Variants in DCAF15 observed in about 807,000 individuals in gnomAD.
DCAF15 encodes the protein DDB1 and CUL4 associated factor 15.
DCAF15 carries 24 observed loss-of-function variants against 68.0 expected under a neutral mutation model. The observed-to-expected ratio is 0.35, with a 90% CI of 0.26 to 0.50. The LOEUF is 0.50. Ranked by LOEUF, DCAF15 falls within the 20% of genes least tolerant of loss-of-function variation. The pLI, the probability that DCAF15 is intolerant of heterozygous loss-of-function variation, is 0.98. For synonymous variants in DCAF15, 376 were observed against 341.6 expected (o/e 1.10, Z -1.11); for missense variants, 627 against 830.6 (o/e 0.75, Z 3.01).
intron 6 of DCAF15, among the ~76,000 whole-genome samples, chr19:13,958,777 C>T (rs1269388674): frequency 6.6e-6 from 1 of 152,126 alleles, no homozygotes; most frequent in Non-Finnish European, 1.5e-5. Context: ...GGGCAGGGTT[C>T]TGTCTGTCTG....
At chr19:13,959,741 C>T in intron 8 of DCAF15, 26 bp from the exon 9 acceptor site, 6 of 1,613,326 alleles carry the variant, frequency 3.7e-6, no homozygotes, top group Non-Finnish European at 5.1e-6. Flanking sequence ...TGGCACCGTC[C>T]CCTGCGCCTA....
Position 13,954,523 on chromosome 19 carries a change from C to A in DCAF15, c.231-3C>A, listed in dbSNP as rs1289783546. 1 of 1,614,194 alleles carries A rather than the reference C, an allele frequency of 6.2e-7. No individual in the cohort carries two copies. The highest frequency in any genetic ancestry group is 8.5e-7 in the Non-Finnish European group (1 of 1,180,036). ...GGCCGCTGTGCCCCCTCCACCCCCA[C>A]AGACATATCTTCCTGGGCTTTTCCA... is the stretch of plus-strand genomic sequence containing the variant. On this transcript the variant is annotated splice_polypyrimidine_tract_variant and splice_region_variant and intron_variant, in intron 2 of 12. Coordinates refer to ENST00000254337, the MANE Select transcript of DCAF15 (RefSeq NM_138353.4).
At chr19:13,952,680 G>A (rs1599457307) in intron 1 of DCAF15, 36 bp downstream of exon 1, 8 of 1,294,026 alleles carry the variant, frequency 6.2e-6, no homozygotes, top group Non-Finnish European at 7.8e-6. Context: ...GCGCGCCGGA[G>A]GGTGGGGAGT....
In DCAF15 at chr19:13,959,116, C is replaced by T. The variant is rs1973482261; in HGVS notation, c.856C>T (p.Pro286Ser). The change falls in exon 7 of 13, where the codon CCC becomes TCC. Residue 286 changes from proline (P) to serine (S), a missense_variant. Transcript: ENST00000254337. ...CCTGGCGCCTGCCAGCCCCCCTGAG[C>T]CCCAGAGCCCAGAGCTGCCCCCTGC... ...CPLAPASPPE[P>S]QSPELPPALP... 6.2e-7 allele frequency: 1 copy of T among 1,612,380 alleles called. No homozygotes were observed. Among genetic ancestry groups the T allele is most frequent in the African/African-American group, 1.3e-5 (1 of 74,978 alleles).
Position 13,959,283 on chromosome 19 carries a change from A to AG in DCAF15, c.1024dup (p.Ala342GlyfsTer19). On this transcript the variant is annotated frameshift_variant, in exon 7 of 13. Coordinates refer to ENST00000254337, the MANE Select transcript of DCAF15 (RefSeq NM_138353.4). LOFTEE classifies it high-confidence loss of function. ...AGGCCAAGGGCGGGGTCCCTGAGGA[A>AG]GCCCGGCCTGCCCTGTGCCCAGGAC... is the stretch of plus-strand genomic sequence containing the variant. 6.2e-7 allele frequency: 1 copy of AG among 1,610,528 alleles called. No homozygotes were observed. The highest frequency in any genetic ancestry group is 8.5e-7 in the Non-Finnish European group (1 of 1,179,788).
chr19:13,961,072 C>T lies in DCAF15; in HGVS notation c.*77C>T. The T allele has an allele frequency of 3.8e-6, 6 of 1,571,878 alleles. No individual in the cohort carries two copies. Among genetic ancestry groups the T allele is most frequent in the Non-Finnish European group, 5.2e-6 (6 of 1,150,674 alleles). On this transcript the variant is annotated 3_prime_UTR_variant, in exon 13 of 13. Transcript: ENST00000254337. ...GGCCCCCTTCCTGGGGTGGCCTCTTCCTGGCCGGCTGGCCCACCGACTGAT... is the reference window on the plus strand; with the variant it reads ...GGCCCCCTTCCTGGGGTGGCCTCTTTCTGGCCGGCTGGCCCACCGACTGAT...
Position 13,959,894 on chromosome 19 carries a change from A to AGGTGGGCCCTGGGCGGGCAG in DCAF15, c.1440+8_1440+9insTGGGCGGGCAGGGTGGGCCC. 6.7e-7 allele frequency: 1 copy of AGGTGGGCCCTGGGCGGGCAG among 1,499,444 alleles called. No homozygotes were observed. Among genetic ancestry groups the AGGTGGGCCCTGGGCGGGCAG allele is most frequent in the Non-Finnish European group, 9.1e-7 (1 of 1,097,598 alleles). The allele number at this position is 1,499,444 out of a possible 1,614,324, so 92.9% of individuals were successfully genotyped here. ...AGCGACTATGACATCGTCATTCTGG[A>AGGTGGGCCCTGGGCGGGCAG]GGTGGGCCCAGGGCGGGCAGGGTGG... is the stretch of plus-strand genomic sequence containing the variant. On this transcript the variant is annotated frameshift_variant and splice_region_variant, in exon 9 of 13. Coordinates refer to ENST00000254337, the MANE Select transcript of DCAF15 (RefSeq NM_138353.4). LOFTEE classifies it high-confidence loss of function.
At chr19:13,959,561 C>A in intron 7 of DCAF15, 21 bp from the exon 8 acceptor site, 5 of 1,612,648 alleles carry the variant, frequency 3.1e-6, no homozygotes, top group Non-Finnish European at 4.2e-6. Flanking sequence ...TCCACCCCAC[C>A]CCCACTTCCT....
chr19:13,957,236 A>G (rs920007443), intron 6 of DCAF15, among the ~76,000 whole-genome samples: 2 of 152,224 alleles, frequency 1.3e-5, no homozygotes, highest in Non-Finnish European at 2.9e-5. Context: ...GAATCACAAG[A>G]TGTCCCTTGA....
rs113861377 is a variant in DCAF15 at position 13,959,751 on chromosome 19, A to G, written c.1312-16A>G. ...GCAGTTGGCACCGTCCCCTGCGCCT[A>G]CCCACTCACCCGCAGGGCCAGTACC... is the stretch of plus-strand genomic sequence containing the variant. On this transcript the variant is annotated splice_polypyrimidine_tract_variant and intron_variant, in intron 8 of 12. Transcript: ENST00000254337. 282 of 1,613,376 alleles carry G rather than the reference A, an allele frequency of 1.7e-4. No homozygotes were observed. The highest frequency in any genetic ancestry group is 2.2e-4 in the Non-Finnish European group (255 of 1,179,854).
intron 1 of DCAF15, chr19:13,953,174 C>T (rs1973163925): frequency 6.6e-7 from 1 of 1,517,690 alleles, no homozygotes. Flanking sequence ...GCTGAGTCTT[C>T]CCCCGCAGAG....
chr19:13,959,934 G>A (rs372269160), intron 9 of DCAF15, 39 bp downstream of exon 9: 6 of 1,613,638 alleles, frequency 3.7e-6, no homozygotes, highest in South Asian at 1.1e-5. Context: ...AGGGCCTCCT[G>A]TACTCTGGGG....
In DCAF15 at chr19:13,954,346, G is replaced by T; in HGVS notation, c.139G>T (p.Gly47Ter). Reference sequence around the variant, plus strand: ...CTGGCCACCCCTTCCCCAGATCAGCGGACAGCTCTCCCCTCGCCTCTTCCG... The same window carrying T: ...CTGGCCACCCCTTCCCCAGATCAGCTGACAGCTCTCCCCTCGCCTCTTCCG... Reference protein sequence around the residue: ...LKQLERVKISGQLSPRLFRKL... With the variant: ...LKQLERVKIS Residue 47 changes from glycine (G) to a stop codon, truncating the protein, a stop_gained, in exon 2 of 13, where the codon GGA becomes TGA. Transcript: ENST00000254337. LOFTEE classifies it high-confidence loss of function. 6.2e-7 allele frequency: 1 copy of T among 1,613,120 alleles called. No individual in the cohort carries two copies. The highest frequency in any genetic ancestry group is 1.1e-5 in the South Asian group (1 of 91,044).
At chr19:13,954,989 T>C (rs919270480) in intron 3 of DCAF15, among the ~76,000 whole-genome samples, 2 of 152,090 alleles carry the variant, frequency 1.3e-5, no homozygotes, top group Admixed American at 1.3e-4. Flanking sequence ...GTGCCTGTAG[T>C]CAGCTCCTCT....
Position 13,956,222 on chromosome 19 carries a change from C to T in DCAF15, c.573C>T (p.Gly191=). Residue 191 remains glycine (G), a synonymous_variant, in exon 5 of 13, where the codon GGC becomes GGT. Transcript: ENST00000254337. ...GCACCGTGGCCGTGCCACCGCCAGG[C>T]CGCTGTGCTGCTTGCCAGGATGCCA... is the stretch of plus-strand genomic sequence containing the variant. The part of the protein sequence containing the change: ...YVSTVAVPPP[G]RCAACQDASR... 6.2e-7 allele frequency: 1 copy of T among 1,612,302 alleles called. No homozygotes were observed. Among genetic ancestry groups the T allele is most frequent in the Non-Finnish European group, 8.5e-7 (1 of 1,179,838 alleles).
chr19:13,959,861 G>C lies in DCAF15; in HGVS notation c.1406G>C (p.Cys469Ser). The change falls in exon 9 of 13, where the codon TGT becomes TCT. Residue 469 changes from cysteine (C) to serine (S), a missense_variant. Around this residue, in one of 3 missense-constraint regions of DCAF15, gnomAD observed 118 missense variants for 211.8 expected, o/e 0.56. Transcript: ENST00000254337. ...RHDATWGHQFCSFSDYDIVIL... is the reference protein window; with the variant it reads ...RHDATWGHQFSSFSDYDIVIL... The stretch of plus-strand genomic sequence containing the variant: ...GACGCTACCTGGGGCCATCAGTTCT[G>C]TTCTTTCAGCGACTATGACATCGTC... The C allele has an allele frequency of 6.8e-7, 1 of 1,467,508 alleles. No homozygotes were observed. Among genetic ancestry groups the C allele is most frequent in the Non-Finnish European group, 9.2e-7 (1 of 1,083,232 alleles). 90.9% of individuals were successfully genotyped at this position (1,467,508 alleles called of 1,614,324 possible).
At chr19:13,957,745 G>C (rs1474376771) in intron 6 of DCAF15, among the ~76,000 whole-genome samples, 2 of 152,116 alleles carry the variant, frequency 1.3e-5, no homozygotes, top group African/African-American at 4.8e-5. Flanking sequence ...CCCATCTCTA[G>C]TAAAAATATA....
chr19:13,956,647 G>A, intron 6 of DCAF15, 125 bp downstream of exon 6: 1 of 1,142,428 alleles, frequency 8.8e-7, no homozygotes, highest in Non-Finnish European at 1.2e-6. Flanking sequence ...CACACAGCCT[G>A]GTTGTGGGAA....
In DCAF15 at chr19:13,956,125, C is replaced by T; in HGVS notation, c.476C>T (p.Thr159Ile). 1 of 1,609,250 alleles carries T rather than the reference C, an allele frequency of 6.2e-7. No individual in the cohort carries two copies. Among genetic ancestry groups the T allele is most frequent in the Non-Finnish European group, 8.5e-7 (1 of 1,178,368 alleles). Residue 159 changes from threonine to isoleucine, a missense_variant and splice_region_variant, in exon 5 of 13, where the codon ACC (threonine) becomes ATC (isoleucine). Physicochemically the swap from Thr to Ile is moderately conservative, Grantham distance 89. This residue lies in a region of DCAF15 where 273 missense variants were observed against 393.7 expected (regional missense o/e 0.69). Transcript: ENST00000254337. ...ASKVIVFGFN[T>I]RSANGMLMNM... Reference sequence around the variant, plus strand: ...GCTGAGGGTATGCTGGCCCCCAGCACCCGCTCGGCCAACGGGATGCTCATG... The same window carrying T: ...GCTGAGGGTATGCTGGCCCCCAGCATCCGCTCGGCCAACGGGATGCTCATG...
Sources: allele counts gnomAD v4.1 joint callset (sites outside exome capture counted in the v4.1 genomes callset), GRCh38; gene constraint gnomAD v4.1.1; regional missense constraint gnomAD v4.1.1; transcripts MANE v1.5; gene names NCBI Gene and HGNC (gene_info 2026-07-23, HGNC 2026-07-21).